CDC14A: variants seen among roughly 807,000 people sequenced by gnomAD.
CDC14A encodes the protein cell division cycle 14A, also known as dual specificity protein phosphatase CDC14A.
In CDC14A, 53 loss-of-function variants were observed where a neutral mutation model predicts 74.4. The ratio of observed to expected loss-of-function variants is 0.71; its 90% CI spans 0.57 to 0.89. CDC14A has a LOEUF of 0.89. CDC14A is among the 40% of genes least tolerant of loss of function. The probability of loss-of-function intolerance (pLI) is 0.00; values close to 1 mark genes in which losing one functional copy is unlikely to be tolerated. For missense variants in CDC14A, 646 were observed against 713.7 expected (o/e 0.91, Z 1.08); for synonymous variants, 247 against 258.4 (o/e 0.96, Z 0.43).
At chr1:100,362,039 C>T (rs1474232755) in intron 2 of CDC14A, among the ~76,000 whole-genome samples, 1 of 152,008 alleles carries the variant, frequency 6.6e-6, no homozygotes, top group Admixed American at 6.6e-5. Context: ...GAGAGGGACA[C>T]CTTTAAGTAG....
chr1:100,456,870 G>A (rs1297494681), intron 8 of CDC14A, among the ~76,000 whole-genome samples: 2 of 152,180 alleles, frequency 1.3e-5, no homozygotes, highest in South Asian at 2.1e-4. Flanking sequence ...TACCTCTATG[G>A]TGAAGTCAGA....
At chr1:100,458,700 T>TG (rs924951587) in intron 8 of CDC14A, among the ~76,000 whole-genome samples, 2 of 151,998 alleles carry the variant, frequency 1.3e-5, no homozygotes, top group African/African-American at 4.8e-5. Flanking sequence ...TTTTTTTTTT[T>TG]TTTTGAATTG....
chr1:100,457,752 T>G (rs1215718296), intron 8 of CDC14A, among the ~76,000 whole-genome samples: 1 of 151,904 alleles, frequency 6.6e-6, no homozygotes, highest in Non-Finnish European at 1.5e-5. Flanking sequence ...TTTAAGCCAC[T>G]GAGCCCAGCC....
Position 100,359,621 on chromosome 1 carries a change from C to CT in CDC14A, c.140+5777dup, listed in dbSNP as rs202157500. 4.3e-3 allele frequency among the ~76,000 whole-genome samples: 656 copies of CT among 151,888 alleles called. 7 individuals carry two copies. The highest frequency in any genetic ancestry group is 0.015 in the African/African-American group (630 of 41,420). Reference sequence around the variant, plus strand: ...TCACTTTTGGGGGGTATAATTTTGCCTTTTTTTTCCTATCAGTGCACTACC... The same window carrying CT: ...TCACTTTTGGGGGGTATAATTTTGCCTTTTTTTTTCCTATCAGTGCACTACC... On this transcript the variant is annotated intron_variant, in intron 2 of 15. Transcript: ENST00000336454.
intron 15 of CDC14A, among the ~76,000 whole-genome samples, chr1:100,503,134 T>A (rs1648927221): frequency 6.6e-6 from 1 of 152,162 alleles, no homozygotes; most frequent in Non-Finnish European, 1.5e-5. Flanking sequence ...TAAATTATGA[T>A]GAAAATTCCC....
chr1:100,369,829 ATT>A (rs111309725), intron 2 of CDC14A, among the ~76,000 whole-genome samples: 20 of 143,422 alleles, frequency 1.4e-4, no homozygotes, highest in African/African-American at 2.8e-4. Flanking sequence ...TCTTCTAAAA[ATT>A]TTTTTTTTTT....
At position 100,402,138 on chromosome 1, in the gene CDC14A, G is replaced by GAA. The variant is rs34408247; in HGVS notation, c.309+11326_309+11327dup. On this transcript the variant is annotated intron_variant, in intron 4 of 15. Transcript: ENST00000336454. ...ATTTTTAGCTGCATGCATTCATTAT[G>GAA]AAAAAAAAAAAAATCGGAAAGGAGG... Among the ~76,000 whole-genome samples the GAA allele has an allele frequency of 9.5e-3, 1,350 of 141,782 alleles. 43 individuals are homozygous for GAA. The highest frequency in any genetic ancestry group is 0.055 in the East Asian group (274 of 4,976). 93.0% of individuals were successfully genotyped at this position (141,782 alleles called of 152,430 possible). A position where few individuals can be genotyped will look rare whatever the true frequency, so the allele number is the denominator to read the frequency against.
intron 9 of CDC14A, 35 bp from the exon 10 acceptor site, chr1:100,467,921 C>T: frequency 2.6e-6 from 4 of 1,542,408 alleles, no homozygotes; most frequent in Non-Finnish European, 3.5e-6. Context: ...ATTTGCTAGA[C>T]TTTATATTTC....
At chr1:100,404,523 A>G (rs1267609804) in intron 4 of CDC14A, among the ~76,000 whole-genome samples, 1 of 152,218 alleles carries the variant, frequency 6.6e-6, no homozygotes, top group Non-Finnish European at 1.5e-5. Flanking sequence ...CAGCAAATTC[A>G]TGGGTAATAA....
intron 6 of CDC14A, among the ~76,000 whole-genome samples, chr1:100,441,416 C>T (rs1331976633): frequency 6.6e-6 from 1 of 152,164 alleles, no homozygotes; most frequent in Non-Finnish European, 1.5e-5. Context: ...TAGTACCATT[C>T]CAAGAACCTA....
chr1:100,410,561 C>T (rs1660555905), intron 4 of CDC14A, among the ~76,000 whole-genome samples: 2 of 152,208 alleles, frequency 1.3e-5, no homozygotes, highest in South Asian at 4.1e-4. Context: ...CTCGTGATTG[C>T]CTGCCTCGGC....
At chr1:100,357,283 T>A (rs1652047676) in intron 2 of CDC14A, among the ~76,000 whole-genome samples, 1 of 152,070 alleles carries the variant, frequency 6.6e-6, no homozygotes, top group African/African-American at 2.4e-5. Context: ...AAGGTCTGTA[T>A]TTCACAAGTA....
intron 5 of CDC14A, among the ~76,000 whole-genome samples, chr1:100,437,307 A>G (rs889272573): frequency 2.0e-5 from 3 of 152,102 alleles, no homozygotes; most frequent in Non-Finnish European, 4.4e-5. Context: ...CTTCACTGTT[A>G]TAGTATTTTC....
rs368844483 is a variant in CDC14A at position 100,406,147 on chromosome 1, T to TC, written c.309+15324dup. 5.7e-3 allele frequency among the ~76,000 whole-genome samples: 863 copies of TC among 152,354 alleles called. 10 individuals are homozygous for TC. Among genetic ancestry groups the TC allele is most frequent in the African/African-American group, 0.02 (821 of 41,584 alleles). On this transcript the variant is annotated intron_variant, in intron 4 of 15. Transcript: ENST00000336454. ...ATGATCAGTGATGTTGAGCTTTTTT[T>TC]CATATGTTTGTTGGCCGCAAATATA...
intron 5 of CDC14A, among the ~76,000 whole-genome samples, chr1:100,425,168 A>G (rs1412425354): frequency 6.6e-6 from 1 of 152,142 alleles, no homozygotes; most frequent in Non-Finnish European, 1.5e-5. Flanking sequence ...ACCGTTTCTC[A>G]AATAAATAAA....
At chr1:100,361,187 G>A (rs1316399831) in intron 2 of CDC14A, among the ~76,000 whole-genome samples, 1 of 151,848 alleles carries the variant, frequency 6.6e-6, no homozygotes, top group Non-Finnish European at 1.5e-5. Context: ...ATTTTTATGG[G>A]AAGTGAAAAG....
At chr1:100,472,252 T>A (rs568308894) in intron 10 of CDC14A, among the ~76,000 whole-genome samples, 6 of 152,316 alleles carry the variant, frequency 3.9e-5, no homozygotes, top group African/African-American at 1.4e-4. Flanking sequence ...TTGGTACAGC[T>A]ATCTGTTGGA....
chr1:100,374,990 A>C (rs1169134046), intron 2 of CDC14A, among the ~76,000 whole-genome samples: 1 of 152,268 alleles, frequency 6.6e-6, no homozygotes. Context: ...ATTAAGTAGA[A>C]TCAATACTTA....
chr1:100,493,969 A>G (rs921284036), intron 11 of CDC14A, among the ~76,000 whole-genome samples: 2 of 152,236 alleles, frequency 1.3e-5, no homozygotes, highest in African/African-American at 4.8e-5. Flanking sequence ...AGCAAATCCA[A>G]GCACTTTGAT....
Sources: allele counts gnomAD v4.1 joint callset (sites outside exome capture counted in the v4.1 genomes callset), GRCh38; gene constraint gnomAD v4.1.1; transcripts MANE v1.5; gene names NCBI Gene and HGNC (gene_info 2026-07-23, HGNC 2026-07-21).